The following SYNE2 variants were observed in gnomAD, a reference collection of about 807,000 sequenced individuals.
SYNE2 encodes spectrin repeat containing nuclear envelope protein 2, also known as nesprin-2.
SYNE2 carries 431 observed loss-of-function variants against 856.3 expected under a neutral mutation model. That is an observed-to-expected ratio of 0.50 (90% CI 0.47 to 0.55). The LOEUF (loss-of-function observed/expected upper bound fraction) is 0.55, where lower values mean the gene tolerates loss of function less well. SYNE2 is among the 20% of genes least tolerant of loss of function. The pLI is 0.00. For synonymous variants in SYNE2, 2,923 were observed against 2,872.3 expected (o/e 1.02, Z -0.56); for missense variants, 8,129 against 8,023.2 (o/e 1.01, Z -0.50).
intron 1 of SYNE2, among the ~76,000 whole-genome samples, chr14:63,835,227 T>A (rs1025995466): frequency 6.6e-5 from 10 of 152,116 alleles, no homozygotes; most frequent in Admixed American, 6.6e-4. Context: ...TTGATATTTT[T>A]ATTTTTTATT....
At chr14:63,849,998 A>G (rs1039543518), upstream of SYNE2, among the ~76,000 whole-genome samples, 1 of 152,140 alleles carries the variant, frequency 6.6e-6, no homozygotes, top group Non-Finnish European at 1.5e-5. Flanking sequence ...AAAGTCTCTC[A>G]GGCAGGCTGT....
At chr14:64,131,151 T>C (rs1227302518) in intron 76 of SYNE2, among the ~76,000 whole-genome samples, 1 of 152,080 alleles carries the variant, frequency 6.6e-6, no homozygotes, top group Non-Finnish European at 1.5e-5. Context: ...AGGTAAATAT[T>C]GTATGAAGGA....
chr14:64,168,821 G>A (rs1238405829), intron 92 of SYNE2, 56 bp from the exon 93 acceptor site: 12 of 1,196,674 alleles, frequency 1.0e-5, no homozygotes, highest in South Asian at 3.7e-5. Flanking sequence ...TGTAGGTTCC[G>A]AGATTCATAA....
In SYNE2 at chr14:64,053,182, G is replaced by A; in HGVS notation, c.9269G>A (p.Arg3090Lys). Residue 3090 changes from arginine (R) to lysine (K), a missense_variant, in exon 48 of 116, where the codon AGA (arginine) becomes AAA (lysine). Transcript: ENST00000555002. ...RRLNAQILSQRIEKAKCLCDE... is the reference protein window; with the variant it reads ...RRLNAQILSQKIEKAKCLCDE... ...CTCAATGCCCAAATTTTAAGTCAGA[G>A]AATTGAGAAAGCCAAGTGTTTATGT... 6.2e-7 allele frequency: 1 copy of A among 1,614,038 alleles called. No homozygotes were observed. The highest frequency in any genetic ancestry group is 8.5e-7 in the Non-Finnish European group (1 of 1,180,008).
chr14:64,155,148 C>T (rs1214204538), intron 85 of SYNE2, among the ~76,000 whole-genome samples: 1 of 152,152 alleles, frequency 6.6e-6, no homozygotes, highest in Non-Finnish European at 1.5e-5. Flanking sequence ...AAAACGTGTC[C>T]ACGCCAAAAA....
intron 1 of SYNE2, among the ~76,000 whole-genome samples, chr14:63,802,670 C>T (rs1006477709): frequency 1.3e-5 from 2 of 152,190 alleles, no homozygotes; most frequent in East Asian, 3.8e-4. Context: ...CGCAGACCCT[C>T]GCGGTGAGAA....
intron 1 of SYNE2, among the ~76,000 whole-genome samples, chr14:63,771,792 G>C (rs1361748162): frequency 1.3e-5 from 2 of 152,108 alleles, no homozygotes; most frequent in Non-Finnish European, 2.9e-5. Flanking sequence ...AGCTATTCAG[G>C]GGGCTGAGGC....
chr14:64,156,547 C>T (rs924416272), intron 85 of SYNE2, among the ~76,000 whole-genome samples: 2 of 151,346 alleles, frequency 1.3e-5, no homozygotes, highest in Non-Finnish European at 3.0e-5. Flanking sequence ...CAACTTCCAC[C>T]TTCCAGGTTC....
chr14:64,110,068 G>A (rs1018003413), intron 65 of SYNE2, among the ~76,000 whole-genome samples: 5 of 152,172 alleles, frequency 3.3e-5, no homozygotes, highest in Admixed American at 3.3e-4. Flanking sequence ...ATTTATTCAT[G>A]TGCAGTTAGG....
chr14:63,905,085 A>G (rs1465655587), intron 1 of SYNE2, among the ~76,000 whole-genome samples: 1 of 152,068 alleles, frequency 6.6e-6, no homozygotes, highest in Non-Finnish European at 1.5e-5. Flanking sequence ...CCCATTGCTT[A>G]CTTTTGTCAG....
chr14:64,017,536 CAG>C (rs769226747), intron 33 of SYNE2, 57 bp from the exon 34 acceptor site: 165 of 1,357,542 alleles, frequency 1.2e-4, no homozygotes, highest in Non-Finnish European at 1.6e-4. Flanking sequence ...TTGGCTGAAA[CAG>C]TGGTTTTCAG....
chr14:63,789,210 T>C (rs530908494), intron 1 of SYNE2, among the ~76,000 whole-genome samples: 3 of 152,324 alleles, frequency 2.0e-5, no homozygotes, highest in African/African-American at 7.2e-5. Flanking sequence ...TCCCTCTTGG[T>C]GCCTATGATC....
In SYNE2 at chr14:64,225,032, GAGAC is replaced by G; in HGVS notation, c.20507_20510del (p.Thr6836ArgfsTer62). 6.2e-7 allele frequency: 1 copy of G among 1,614,006 alleles called. No individual in the cohort carries two copies. The highest frequency in any genetic ancestry group is 8.5e-7 in the Non-Finnish European group (1 of 1,179,966). On this transcript the variant is annotated frameshift_variant, in exon 115 of 116. Transcript: ENST00000555002. LOFTEE classifies it high-confidence loss of function. ...AGTGAGAACTACAGAAGGCGAGGAG[GAGAC>G]AGAGAGCAGGTAACGGGGCTTTACC...
rs149354607 is a variant in SYNE2 at position 64,158,689 on chromosome 14, A to G, written c.15857A>G (p.Tyr5286Cys). ...GAGTGGAAGATTTATGATCAACTCT[A>G]TGATGAAGTGAATATGATGACAATC... Reference protein sequence around the residue: ...LQEWKIYDQLYDEVNMMTIRF... With the variant: ...LQEWKIYDQLCDEVNMMTIRF... The change falls in exon 86 of 116, where the codon TAT becomes TGT. Residue 5286 changes from tyrosine to cysteine, a missense_variant. Around this residue, in one of 3 missense-constraint regions of SYNE2, gnomAD observed 5,410 missense variants for 5,284.8 expected, o/e 1.02. Transcript: ENST00000555002. 522 of 1,614,006 alleles carry G rather than the reference A, an allele frequency of 3.2e-4. No homozygotes were observed. The highest frequency in any genetic ancestry group is 4.0e-4 in the Non-Finnish European group (467 of 1,179,888).
chr14:63,987,256 G>GA (rs112425180), intron 19 of SYNE2, among the ~76,000 whole-genome samples: 2,027 of 142,416 alleles, frequency 0.014, 24 homozygotes, highest in Non-Finnish European at 0.021. Flanking sequence ...CTCCTTCTGG[G>GA]AAAAAAAAAA....
At position 64,119,559 on chromosome 14, in the gene SYNE2, A is replaced by G; in HGVS notation, c.12973A>G (p.Asn4325Asp). Residue 4325 changes from asparagine to aspartate, a missense_variant, in exon 67 of 116, where the codon AAT becomes GAT. Asn to Asp is a conservative substitution (Grantham distance 23, BLOSUM62 1). Transcript: ENST00000555002. The stretch of plus-strand genomic sequence containing the variant: ...CCTGAAACTGAAAACAGTGAAGTGC[A>G]ATTTAGAAAAAGTCCAGATGATGCT... ...LSLKLKTVKC[N>D]LEKVQMMLQE... 6.2e-7 allele frequency: 1 copy of G among 1,614,224 alleles called. No homozygotes were observed. Among genetic ancestry groups the G allele is most frequent in the South Asian group, 1.1e-5 (1 of 91,086 alleles).
At chr14:63,835,536 C>T (rs757162292) in intron 1 of SYNE2, among the ~76,000 whole-genome samples, 3 of 150,220 alleles carry the variant, frequency 2.0e-5, no homozygotes, top group Non-Finnish European at 2.9e-5. Context: ...CCTGGCCTTA[C>T]GTATGTACAT....
chr14:63,982,008 C>T (rs1251246029), intron 16 of SYNE2, among the ~76,000 whole-genome samples: 3 of 152,116 alleles, frequency 2.0e-5, no homozygotes, highest in South Asian at 2.1e-4. Context: ...GAGAAAAACA[C>T]GCTAAGGTTG....
At chr14:64,004,940 G>A (rs976249341) in intron 30 of SYNE2, among the ~76,000 whole-genome samples, 2 of 152,178 alleles carry the variant, frequency 1.3e-5, no homozygotes, top group Non-Finnish European at 2.9e-5. Flanking sequence ...TATTGAACAG[G>A]GTAATCAGGG....
Sources: allele counts gnomAD v4.1 joint callset (sites outside exome capture counted in the v4.1 genomes callset), GRCh38; gene constraint gnomAD v4.1.1; regional missense constraint gnomAD v4.1.1; transcripts MANE v1.5; gene names NCBI Gene and HGNC (gene_info 2026-07-23, HGNC 2026-07-21).